Variants in CALN1 observed in about 807,000 individuals in gnomAD.
The protein encoded by CALN1 is calneuron 1, also known as calcium-binding protein 8.
A neutral mutation model predicts 30.6 loss-of-function variants in CALN1; 17 were observed. The observed-to-expected ratio is 0.56, with a 90% CI of 0.38 to 0.83. The LOEUF (loss-of-function observed/expected upper bound fraction) is 0.83. CALN1 is among the 40% of genes least tolerant of loss of function. The pLI, the probability that CALN1 is intolerant of heterozygous loss-of-function variation, is 0.00. For missense variants in CALN1, 291 were observed against 354.9 expected (o/e 0.82, Z 1.45); for synonymous variants, 156 against 131.4 (o/e 1.19, Z -1.28).
At chr7:72,479,532 T>TATATAGTTTTAGGTTTTAC in the CALN1 span, among the ~76,000 whole-genome samples, 58 of 151,366 alleles carry the variant, frequency 3.8e-4, no homozygotes, top group Non-Finnish European at 5.9e-5. Context: ...TACATATGGA[T>TATATAGTTTTAGGTTTTAC]ATTCAGTTGT....
intron 5 of CALN1, among the ~76,000 whole-genome samples, chr7:71,823,784 A>C (rs1788743149): frequency 6.6e-6 from 1 of 152,158 alleles, no homozygotes; most frequent in African/African-American, 2.4e-5. Context: ...AAGGAAAAAG[A>C]GGCTTAATGG....
At chr7:72,073,242 G>C (rs901682671) in intron 4 of CALN1, among the ~76,000 whole-genome samples, 1 of 152,146 alleles carries the variant, frequency 6.6e-6, no homozygotes, top group Admixed American at 6.5e-5. Flanking sequence ...GACAGGAACT[G>C]GGGGGAAGGG....
chr7:72,374,522 C>T lies in CALN1; in HGVS notation c.119+28729G>A, dbSNP rs148292010. Among the ~76,000 whole-genome samples, 36 of 133,910 alleles carry T rather than the reference C, an allele frequency of 2.7e-4. No individual in the cohort carries two copies. In the East Asian group the frequency reaches 7.6e-3, roughly 28 times the overall value. The allele number at this position is 133,910 out of a possible 152,430, so 87.9% of individuals were successfully genotyped here. A position where few individuals can be genotyped will look rare whatever the true frequency, so the allele number is the denominator to read the frequency against. On this transcript the variant is annotated intron_variant, in intron 2 of 6. Transcript: ENST00000395275. Reference sequence around the variant, plus strand: ...CTCCAGTCTGGGTGACAGAGAGACACTCTGTCTCCAAAAAAAAAAAAAAAA... The same window carrying T: ...CTCCAGTCTGGGTGACAGAGAGACATTCTGTCTCCAAAAAAAAAAAAAAAA...
intron 3 of CALN1, among the ~76,000 whole-genome samples, chr7:72,254,862 G>A (rs1247251256): frequency 1.3e-5 from 2 of 152,062 alleles, no homozygotes; most frequent in Admixed American, 6.5e-5. Context: ...TGCCTCCCAG[G>A]TTCAAGCAAT....
At position 71,814,926 on chromosome 7, in the gene CALN1, T is replaced by C. The variant is rs191341085; in HGVS notation, c.502-4434A>G. Among the ~76,000 whole-genome samples the C allele has an allele frequency of 3.8e-3, 573 of 151,650 alleles. 4 individuals are homozygous for C. The highest frequency in any genetic ancestry group is 0.013 in the African/African-American group (530 of 41,326). On this transcript the variant is annotated intron_variant, in intron 5 of 6. Coordinates refer to ENST00000395275, the MANE Select transcript of CALN1 (RefSeq NM_031468.4). ...TTGGCTCACTGTAATCTCCGCCTCC[T>C]GGGTTCACGCCATTCTCCTGCCTCA...
rs1024119545 is a variant in CALN1, at chr7:71,784,789, G to C, written c.*2986C>G. The C allele has an allele frequency of 2.5e-6, 1 of 398,604 alleles. No homozygotes were observed. 24.7% of individuals were successfully genotyped at this position (398,604 alleles called of 1,614,324 possible). A position where few individuals can be genotyped will look rare whatever the true frequency, so the allele number is the denominator to read the frequency against. The stretch of plus-strand genomic sequence containing the variant: ...TGAGCTATTCCCTCTCAATTCCTGC[G>C]GAAGTCACTTCCAGCTGGGGCTACA... On this transcript the variant is annotated 3_prime_UTR_variant, in exon 7 of 7. Transcript: ENST00000395275.
chr7:72,240,465 T>C (rs1421284730), intron 3 of CALN1, among the ~76,000 whole-genome samples: 2 of 152,128 alleles, frequency 1.3e-5, no homozygotes, highest in Non-Finnish European at 2.9e-5. Context: ...AAAGCGCTGG[T>C]GTTACAGGTA....
chr7:72,388,131 A>G (rs931511178), intron 2 of CALN1, among the ~76,000 whole-genome samples: 2 of 152,220 alleles, frequency 1.3e-5, no homozygotes, highest in Non-Finnish European at 2.9e-5. Flanking sequence ...TTCTTCCAAC[A>G]AAGAAATGAT....
chr7:72,165,104 G>A (rs1224731274), intron 3 of CALN1, among the ~76,000 whole-genome samples: 1 of 152,186 alleles, frequency 6.6e-6, no homozygotes, highest in African/African-American at 2.4e-5. Flanking sequence ...ATTTTAAAGT[G>A]TAAACAAGGA....
chr7:71,985,321 A>T (rs1206637942), intron 5 of CALN1, among the ~76,000 whole-genome samples: 1 of 152,122 alleles, frequency 6.6e-6, no homozygotes, highest in Non-Finnish European at 1.5e-5. Flanking sequence ...TATTGATGAG[A>T]TTGTGCATTG....
At chr7:72,411,589 A>G (rs1179918711) in intron 1 of CALN1, among the ~76,000 whole-genome samples, 1 of 152,212 alleles carries the variant, frequency 6.6e-6, no homozygotes, top group African/African-American at 2.4e-5. Context: ...CTCAAATTGT[A>G]GTCTCAAAAT....
At chr7:72,436,496 G>A (rs553331263) in intron 1 of CALN1, among the ~76,000 whole-genome samples, 2 of 152,232 alleles carry the variant, frequency 1.3e-5, no homozygotes, top group Non-Finnish European at 2.9e-5. Flanking sequence ...GTCTTTATCA[G>A]CAACATGAGA....
Position 72,023,699 on chromosome 7 carries a change from G to A in CALN1, c.459C>T (p.Arg153=), listed in dbSNP as rs144865131. 1.6e-5 allele frequency: 26 copies of A among 1,613,568 alleles called. No homozygotes were observed. Among genetic ancestry groups the A allele is most frequent in the African/African-American group, 2.7e-5 (2 of 74,832 alleles). Residue 153 remains arginine, a synonymous_variant, in exon 5 of 7, where the codon CGC becomes CGT. Transcript: ENST00000395275. ...CTATCGTGTTCCCAAGAAAACCATCGCGACCTTCTGAAGACACCAGTTTGG... is the reference window on the plus strand; with the variant it reads ...CTATCGTGTTCCCAAGAAAACCATCACGACCTTCTGAAGACACCAGTTTGG... ...LGPKLVSSEG[R]DGFLGNTIDS...
chr7:72,341,075 A>G (rs932715180), intron 2 of CALN1, among the ~76,000 whole-genome samples: 3 of 152,320 alleles, frequency 2.0e-5, no homozygotes, highest in African/African-American at 7.2e-5. Flanking sequence ...GGGTTTCCAC[A>G]ATGGGTCGCA....
intron 3 of CALN1, among the ~76,000 whole-genome samples, chr7:72,164,140 G>A (rs1372791055): frequency 6.6e-6 from 1 of 152,116 alleles, no homozygotes; most frequent in Non-Finnish European, 1.5e-5. Flanking sequence ...GGCCAAGGTG[G>A]GCAGGCCATC....
At chr7:72,391,691 T>C (rs756242965) in intron 2 of CALN1, among the ~76,000 whole-genome samples, 10 of 152,000 alleles carry the variant, frequency 6.6e-5, no homozygotes, top group Non-Finnish European at 1.2e-4. Flanking sequence ...TAAATGGGAG[T>C]TCCCCTGCAC....
At chr7:72,238,296 G>GA (rs1323968373) in intron 3 of CALN1, among the ~76,000 whole-genome samples, 2 of 152,036 alleles carry the variant, frequency 1.3e-5, no homozygotes, top group Non-Finnish European at 2.9e-5. Context: ...TCCATCCAGA[G>GA]AAACAAATGT....
intron 6 of CALN1, among the ~76,000 whole-genome samples, chr7:71,801,829 T>C (rs963911038): frequency 7.9e-5 from 12 of 151,606 alleles, no homozygotes; most frequent in Admixed American, 1.3e-4. Context: ...ATACAAAAAA[T>C]TAGCTGGGCG....
intron 1 of CALN1, among the ~76,000 whole-genome samples, chr7:72,407,954 T>G (rs942384531): frequency 2.0e-5 from 3 of 152,106 alleles, no homozygotes; most frequent in Non-Finnish European, 4.4e-5. Context: ...GATCAGCTTG[T>G]TCCTGAGAGT....
Sources: gnomAD v4.1 joint callset for allele counts (sites outside exome capture counted in the v4.1 genomes callset) on GRCh38, gnomAD v4.1.1 for gene constraint, MANE v1.5 for transcripts, NCBI Gene and HGNC (gene_info 2026-07-23, HGNC 2026-07-21) for gene names.